LAMA4: variants seen among roughly 807,000 people sequenced by gnomAD.
The protein encoded by LAMA4 is laminin subunit alpha-4.
In LAMA4, 127 loss-of-function variants were observed where a neutral mutation model predicts 207.1. The observed-to-expected ratio is 0.61, with a 90% CI of 0.53 to 0.71. The LOEUF (loss-of-function observed/expected upper bound fraction) is 0.71, where lower values mean the gene tolerates loss of function less well. Among genes scored for constraint, LAMA4 ranks in the 30% least tolerant of loss-of-function variants. LAMA4 has a pLI of 0.00. For synonymous variants in LAMA4, 761 were observed against 816.0 expected (o/e 0.93, Z 1.15); for missense variants, 2,093 against 2,246.5 (o/e 0.93, Z 1.38).
At chr6:112,222,077 T>G (rs1428569508) in intron 2 of LAMA4, among the ~76,000 whole-genome samples, 1 of 152,198 alleles carries the variant, frequency 6.6e-6, no homozygotes. Context: ...TGCACAAACC[T>G]ATAAAGTGCC....
Position 112,141,031 on chromosome 6 carries a change from C to G in LAMA4, c.2814-109G>C. The G allele has an allele frequency of 3.2e-6, 3 of 932,638 alleles. No homozygotes were observed. The South Asian group carries it at 4.2e-5, about 13-fold the overall frequency. 57.8% of individuals were successfully genotyped at this position (932,638 alleles called of 1,614,324 possible). A position where few individuals can be genotyped will look rare whatever the true frequency, so the allele number is the denominator to read the frequency against. On this transcript the variant is annotated intron_variant, in intron 21 of 38. Transcript: ENST00000230538. Reference sequence around the variant, plus strand: ...TCACAAAATGGGTAATTTTGTGACACTAATAAGCATTTACAAAATACCACA... The same window carrying G: ...TCACAAAATGGGTAATTTTGTGACAGTAATAAGCATTTACAAAATACCACA...
At chr6:112,154,543 TC>T (rs201802315) in intron 16 of LAMA4, among the ~76,000 whole-genome samples, 2 of 148,638 alleles carry the variant, frequency 1.3e-5, no homozygotes, top group African/African-American at 5.0e-5. Flanking sequence ...AGGACATTTT[TC>T]CCCTAAAAAT....
intron 10 of LAMA4, 110 bp from the exon 11 acceptor site, chr6:112,175,590 A>G: frequency 9.4e-7 from 1 of 1,059,186 alleles, no homozygotes; most frequent in Non-Finnish European, 1.5e-6. Context: ...CTGAAATGGA[A>G]AGAGAGACTC....
At chr6:112,213,866 A>G (rs553265075) in intron 3 of LAMA4, 15 of 469,972 alleles carry the variant, frequency 3.2e-5, no homozygotes, top group African/African-American at 2.2e-4. Context: ...ATGAAATAAA[A>G]GAAAGCCTTT....
At chr6:112,228,815 G>A (rs997172444) in intron 2 of LAMA4, among the ~76,000 whole-genome samples, 1 of 152,164 alleles carries the variant, frequency 6.6e-6, no homozygotes, top group Non-Finnish European at 1.5e-5. Context: ...GGGAGCTTGT[G>A]TGCTGTAGCC....
At chr6:112,192,046 A>ATTTGG (rs1191296159) in intron 5 of LAMA4, among the ~76,000 whole-genome samples, 196 bp from the exon 6 acceptor site, 1 of 152,198 alleles carries the variant, frequency 6.6e-6, no homozygotes, top group African/African-American at 2.4e-5. Flanking sequence ...GTTATAGATC[A>ATTTGG]TTTGGTTCAC....
At position 112,148,298 on chromosome 6, in the gene LAMA4, T is replaced by A. The variant is rs1554335014; in HGVS notation, c.2212A>T (p.Thr738Ser). ...QQRLGQSRLITEEANRTTMEV... is the reference protein window; with the variant it reads ...QQRLGQSRLISEEANRTTMEV... ...ATCGTCGTCCTGTTGGCTTCCTCGG[T>A]GATCAGTCTAGACTGCCCCAGGCGC... The change falls in exon 18 of 39, where the codon ACC becomes TCC. Residue 738 changes from threonine to serine, a missense_variant. Thr to Ser is a moderately conservative substitution (Grantham distance 58, BLOSUM62 1). This residue lies in a region of LAMA4 where 1,704 missense variants were observed against 1,788.4 expected (regional missense o/e 0.95). Coordinates refer to ENST00000230538, the MANE Select transcript of LAMA4 (RefSeq NM_001105206.3). The A allele has an allele frequency of 1.2e-6, 2 of 1,614,066 alleles. No homozygotes were observed. Among genetic ancestry groups the A allele is most frequent in the Non-Finnish European group, 1.7e-6 (2 of 1,180,034 alleles).
At chr6:112,230,049 G>A (rs2114255234) in intron 2 of LAMA4, among the ~76,000 whole-genome samples, 1 of 151,946 alleles carries the variant, frequency 6.6e-6, no homozygotes, top group African/African-American at 2.4e-5. Context: ...ATTTCCCCAG[G>A]AACATGCACA....
chr6:112,222,043 G>C (rs1269500169), intron 2 of LAMA4, among the ~76,000 whole-genome samples: 3 of 152,112 alleles, frequency 2.0e-5, no homozygotes, highest in Non-Finnish European at 4.4e-5. Context: ...TTTCAGATCA[G>C]GCTTAACATG....
intron 14 of LAMA4, among the ~76,000 whole-genome samples, chr6:112,158,521 T>C (rs1350198634): frequency 6.6e-6 from 1 of 151,532 alleles, no homozygotes; most frequent in Non-Finnish European, 1.5e-5. Flanking sequence ...CAATGAACAA[T>C]GATGGACTCT....
In LAMA4 at chr6:112,155,523, G is replaced by A. The variant is rs782680355; in HGVS notation, c.1959+42C>T. ...ATGACATCAGAAAACAGAAAAGCCA[G>A]TGGGAAAGGCAAGGTATAAAGAACT... On this transcript the variant is annotated intron_variant, in intron 15 of 38. Coordinates refer to ENST00000230538, the MANE Select transcript of LAMA4 (RefSeq NM_001105206.3). 3.1e-6 allele frequency: 5 copies of A among 1,611,056 alleles called. No homozygotes were observed. The East Asian group carries it at 1.1e-4, about 36-fold the overall frequency.
At chr6:112,188,762 G>A (rs782432502) in intron 7 of LAMA4, 17 of 220,750 alleles carry the variant, frequency 7.7e-5, no homozygotes, top group South Asian at 1.7e-4. Flanking sequence ...TTGTTTGTAC[G>A]TCGTATTTTC....
chr6:112,208,520 G>T (rs1351184107), intron 3 of LAMA4, among the ~76,000 whole-genome samples: 1 of 152,122 alleles, frequency 6.6e-6, no homozygotes, highest in Non-Finnish European at 1.5e-5. Context: ...ATTGCCCGAG[G>T]TCACACGGAT....
intron 2 of LAMA4, among the ~76,000 whole-genome samples, chr6:112,247,592 A>G (rs1267622213): frequency 6.6e-6 from 1 of 152,198 alleles, no homozygotes; most frequent in Non-Finnish European, 1.5e-5. Flanking sequence ...GGATTCTTCC[A>G]TTTCCTGTTA....
chr6:112,158,560 C>G lies in LAMA4; in HGVS notation c.1817+172G>C, dbSNP rs1462435084. Reference sequence around the variant, plus strand: ...ATGGAACAACCAACCAACCAACCAACCAACCAAGCAACCAAGGAACCAACC... The same window carrying G: ...ATGGAACAACCAACCAACCAACCAAGCAACCAAGCAACCAAGGAACCAACC... On this transcript the variant is annotated intron_variant, in intron 14 of 38. Coordinates refer to ENST00000230538, the MANE Select transcript of LAMA4 (RefSeq NM_001105206.3). Among the ~76,000 whole-genome samples the G allele has an allele frequency of 3.9e-5, 6 of 152,008 alleles. No homozygotes were observed. The East Asian group carries it at 7.7e-4, about 20-fold the overall frequency.
intron 23 of LAMA4, 69 bp from the exon 24 acceptor site, chr6:112,139,360 T>C: frequency 6.6e-7 from 1 of 1,522,650 alleles, no homozygotes; most frequent in South Asian, 1.1e-5. Context: ...GAAGCCCTTT[T>C]AACCCATTCT....
chr6:112,254,968 C>T (rs1787759189), upstream of LAMA4: 1 of 152,354 alleles, frequency 6.6e-6, no homozygotes. Context: ...AATATCTTCT[C>T]TTCAGATTCA....
At chr6:112,184,574 T>G (rs1554346136) in intron 9 of LAMA4, among the ~76,000 whole-genome samples, 1 of 152,194 alleles carries the variant, frequency 6.6e-6, no homozygotes, top group East Asian at 1.9e-4. Flanking sequence ...TTTATTTAGT[T>G]GTTTTATTGG....
rs189357124 is a variant in LAMA4, at chr6:112,183,868, T to C, written c.1077+1369A>G. On this transcript the variant is annotated intron_variant, in intron 9 of 38. Transcript: ENST00000230538. The stretch of plus-strand genomic sequence containing the variant: ...CAGGAGGCTGAGGCAGGAGAATCAC[T>C]GGAACCCGGGAGGCGGAGGCTGCAG... Among the ~76,000 whole-genome samples, 291 of 141,256 alleles carry C rather than the reference T, an allele frequency of 2.1e-3. 1 individual carries two copies. Among genetic ancestry groups the C allele is most frequent in the African/African-American group, 7.2e-3 (271 of 37,628 alleles). The allele number at this position is 141,256 out of a possible 152,430, so 92.7% of individuals were successfully genotyped here. A position where few individuals can be genotyped will look rare whatever the true frequency, so the allele number is the denominator to read the frequency against.
Sources: allele counts gnomAD v4.1 joint callset (sites outside exome capture counted in the v4.1 genomes callset), GRCh38; gene constraint gnomAD v4.1.1; regional missense constraint gnomAD v4.1.1; transcripts MANE v1.5; gene names NCBI Gene and HGNC (gene_info 2026-07-23, HGNC 2026-07-21).